Variants in PDPR observed in about 807,000 individuals in gnomAD.
PDPR encodes pyruvate dehydrogenase phosphatase regulatory subunit.
In PDPR, 50 loss-of-function variants were observed where a neutral mutation model predicts 102.2. That is an observed-to-expected ratio of 0.49 (90% CI 0.39 to 0.62). The LOEUF is 0.62. PDPR is among the 20% of genes least tolerant of loss of function. The pLI is 0.00. For synonymous variants in PDPR, 259 were observed against 406.0 expected (o/e 0.64, Z 4.35); for missense variants, 625 against 1,098.2 (o/e 0.57, Z 6.09).
chr16:70,119,889 ATTTC>A (rs1282972031), intron 2 of PDPR, among the ~76,000 whole-genome samples: 3 of 82,082 alleles, frequency 3.7e-5, no homozygotes, highest in Non-Finnish European at 5.2e-5. Flanking sequence ...GCCCTCAAAT[ATTTC>A]TTTTTTTGTT....
downstream of PDPR, chr16:70,162,552 A>G (rs1210614057): frequency 6.6e-6 from 1 of 152,472 alleles, no homozygotes; most frequent in Non-Finnish European, 1.5e-5. Context: ...TGCTTGTGAA[A>G]TGTTCTTCAT....
chr16:70,150,599 C>T (rs545122331), intron 17 of PDPR, among the ~76,000 whole-genome samples: 14 of 151,156 alleles, frequency 9.3e-5, no homozygotes, highest in African/African-American at 2.4e-4. Context: ...GCTTGACCTC[C>T]GAGGCTGAAG....
chr16:70,129,637 C>A (rs1339133401), intron 6 of PDPR, among the ~76,000 whole-genome samples: 1 of 152,280 alleles, frequency 6.6e-6, no homozygotes, highest in Non-Finnish European at 1.5e-5. Flanking sequence ...GCGTGAGCCA[C>A]TGTGCCCTGC....
intron 11 of PDPR, among the ~76,000 whole-genome samples, chr16:70,141,071 T>C (rs76043876): frequency 1.9e-4 from 29 of 152,184 alleles, no homozygotes; most frequent in Admixed American, 2.6e-4. Context: ...TTTTTTTTTT[T>C]CCGAGACAGT....
intron 17 of PDPR, among the ~76,000 whole-genome samples, chr16:70,150,399 C>T (rs1454812614): frequency 3.3e-5 from 5 of 151,878 alleles, no homozygotes; most frequent in South Asian, 4.1e-4. Flanking sequence ...CCACCGCACC[C>T]GGGCCCATAG....
chr16:70,128,517 T>A (rs1203893247), intron 4 of PDPR, among the ~76,000 whole-genome samples: 1 of 152,350 alleles, frequency 6.6e-6, no homozygotes, highest in Non-Finnish European at 1.5e-5. Context: ...CATGAGCCAC[T>A]ACACCTGGCC....
chr16:70,144,958 A>AG (rs1252200042), intron 15 of PDPR, among the ~76,000 whole-genome samples: 1 of 151,696 alleles, frequency 6.6e-6, no homozygotes, highest in Non-Finnish European at 1.5e-5. Context: ...TCTCAAAAAA[A>AG]AAAAGAAAAT....
chr16:70,162,805 C>G (rs373129637), downstream of PDPR, among the ~76,000 whole-genome samples: 1 of 152,270 alleles, frequency 6.6e-6, no homozygotes, highest in African/African-American at 2.4e-5. Context: ...ACCTGATGTT[C>G]CACACGGGCA....
Position 70,153,872 on chromosome 16 carries a change from C to T in PDPR, c.2235+299C>T, listed in dbSNP as rs979318558. Among the ~76,000 whole-genome samples, 6 of 152,202 alleles carry T rather than the reference C, an allele frequency of 3.9e-5. No homozygotes were observed. In the South Asian group the frequency reaches 6.2e-4, roughly 16 times the overall value. On this transcript the variant is annotated intron_variant, in intron 18 of 18. Coordinates refer to ENST00000288050, the MANE Select transcript of PDPR (RefSeq NM_017990.5). Reference sequence around the variant, plus strand: ...CCAGCCTGGCCAACATGGCAAAACCCGTCTCTACTAAAAATACAAAAAGTA... The same window carrying T: ...CCAGCCTGGCCAACATGGCAAAACCTGTCTCTACTAAAAATACAAAAAGTA...
At position 70,157,398 on chromosome 16, in the gene PDPR, C is replaced by G. The variant is rs1787021325; in HGVS notation, c.*519C>G. The stretch of plus-strand genomic sequence containing the variant: ...TTCTCCTGTTCTGCTGTGCTGTGGG[C>G]TGGCACTCGATACCTCTGGCAAGAG... On this transcript the variant is annotated 3_prime_UTR_variant, in exon 19 of 19. Coordinates refer to ENST00000288050, the MANE Select transcript of PDPR (RefSeq NM_017990.5). The G allele has an allele frequency of 2.8e-6, 1 of 360,808 alleles. No individual in the cohort carries two copies. Among genetic ancestry groups the G allele is most frequent in the African/African-American group, 2.1e-5 (1 of 46,774 alleles). 22.4% of individuals were successfully genotyped at this position (360,808 alleles called of 1,614,324 possible).
chr16:70,127,741 T>G (rs1964122515), intron 4 of PDPR, among the ~76,000 whole-genome samples: 1 of 152,286 alleles, frequency 6.6e-6, no homozygotes, highest in Admixed American at 6.5e-5. Context: ...TTAGGAGAAT[T>G]GTCATTGGCC....
intron 2 of PDPR, among the ~76,000 whole-genome samples, chr16:70,117,211 A>G (rs2152055292): frequency 7.7e-6 from 1 of 130,426 alleles, no homozygotes; most frequent in Middle Eastern, 3.6e-3. Flanking sequence ...TACTTATAAA[A>G]ATATTAGCTT....
intron 15 of PDPR, among the ~76,000 whole-genome samples, chr16:70,144,951 CA>C (rs71385644): frequency 3.4e-5 from 5 of 147,400 alleles, no homozygotes; most frequent in Admixed American, 6.8e-5. Flanking sequence ...GACTCCATCT[CA>C]AAAAAAAAAA....
chr16:70,157,335 C>T lies in PDPR; in HGVS notation c.*456C>T. 2.6e-6 allele frequency: 1 copy of T among 384,972 alleles called. No individual in the cohort carries two copies. The highest frequency in any genetic ancestry group is 1.9e-5 in the South Asian group (1 of 51,316). 23.8% of individuals were successfully genotyped at this position (384,972 alleles called of 1,614,324 possible). On this transcript the variant is annotated 3_prime_UTR_variant, in exon 19 of 19. Coordinates refer to ENST00000288050, the MANE Select transcript of PDPR (RefSeq NM_017990.5). ...TGGGGTTGCCGTGTGTCGGATGCAG[C>T]CCTGAGGGGCAGCTCGTGCCTGCAG...
chr16:70,127,980 A>G (rs1314091212), intron 4 of PDPR, among the ~76,000 whole-genome samples: 2 of 151,884 alleles, frequency 1.3e-5, no homozygotes, highest in African/African-American at 4.8e-5. Flanking sequence ...GGTGACCTCT[A>G]GTCATTCACC....
At chr16:70,137,755 T>G (rs945305784) in intron 10 of PDPR, among the ~76,000 whole-genome samples, 2 of 152,284 alleles carry the variant, frequency 1.3e-5, no homozygotes, top group African/African-American at 4.8e-5. Flanking sequence ...GTTAGAAAAA[T>G]GTTTGGAGCA....
chr16:70,129,163 G>A (rs1964288601), intron 6 of PDPR, 41 bp downstream of exon 6: 1 of 1,613,612 alleles, frequency 6.2e-7, no homozygotes, highest in Admixed American at 1.7e-5. Flanking sequence ...GGTTAGCAGG[G>A]AAGACATTAC....
chr16:70,139,586 C>T (rs1356060257), intron 11 of PDPR, among the ~76,000 whole-genome samples: 2 of 152,282 alleles, frequency 1.3e-5, no homozygotes, highest in Non-Finnish European at 2.9e-5. Context: ...TACATTCCTG[C>T]TCTCACTCCC....
At chr16:70,155,629 A>G (rs1323520786) in intron 18 of PDPR, among the ~76,000 whole-genome samples, 1 of 152,142 alleles carries the variant, frequency 6.6e-6, no homozygotes, top group African/African-American at 2.4e-5. Context: ...ACCTCAGGAG[A>G]TCCCCCCGCC....
Sources: gnomAD v4.1 joint callset for allele counts (sites outside exome capture counted in the v4.1 genomes callset) on GRCh38, gnomAD v4.1.1 for gene constraint, MANE v1.5 for transcripts, NCBI Gene and HGNC (gene_info 2026-07-23, HGNC 2026-07-21) for gene names.